Variants in NBPF3 observed in about 807,000 individuals in gnomAD.
The protein encoded by NBPF3 is NBPF family member NBPF3.
A neutral mutation model predicts 78.1 loss-of-function variants in NBPF3; 57 were observed. The ratio of observed to expected loss-of-function variants is 0.73; its 90% CI spans 0.59 to 0.91. The LOEUF is 0.91. Among genes scored for constraint, NBPF3 ranks in the 40% least tolerant of loss-of-function variants. The pLI, the probability that NBPF3 is intolerant of heterozygous loss-of-function variation, is 0.00. For synonymous variants in NBPF3, 182 were observed against 271.7 expected, an observed-to-expected ratio of 0.67 and a Z score of 3.25; for missense variants, 510 against 715.3, an observed-to-expected ratio of 0.71 and a Z score of 3.27.
At chr1:21,451,024 A>G (rs552994142) in intron 2 of NBPF3, among the ~76,000 whole-genome samples, 2 of 152,354 alleles carry the variant, frequency 1.3e-5, no homozygotes, top group South Asian at 2.1e-4. Flanking sequence ...CCGCCGTCCT[A>G]TGGGTCTTTG....
At chr1:21,436,789 A>C, upstream of NBPF3, 3 of 1,170,392 alleles carry the variant, frequency 2.6e-6, no homozygotes, top group Non-Finnish European at 3.3e-6. This position sits in a 1 kb window ranked among gnomAD's most constrained non-coding sequence, Gnocchi z 4.3. Flanking sequence ...CGCCTTGCAC[A>C]AGCACCAGCT....
intron 7 of NBPF3, among the ~76,000 whole-genome samples, 160 bp downstream of exon 7, chr1:21,473,745 G>T (rs1303767931): frequency 2.0e-5 from 3 of 152,202 alleles, no homozygotes; most frequent in African/African-American, 7.2e-5. Flanking sequence ...CTCATGTCAT[G>T]CCTTTGTCTC....
At chr1:21,443,069 TTGAC>T (rs1640754561) in intron 1 of NBPF3, among the ~76,000 whole-genome samples, 1 of 152,206 alleles carries the variant, frequency 6.6e-6, no homozygotes, top group Non-Finnish European at 1.5e-5. Context: ...CATAAATCGA[TTGAC>T]TGTATGGTCA....
intron 12 of NBPF3, among the ~76,000 whole-genome samples, chr1:21,481,192 AC>A (rs1233613270): frequency 2.0e-5 from 3 of 150,732 alleles, no homozygotes; most frequent in African/African-American, 7.3e-5. Flanking sequence ...CTGTAGGTCG[AC>A]CATACTTCAA....
chr1:21,473,046 C>A, intron 6 of NBPF3, 131 bp downstream of exon 6: 1 of 764,636 alleles, frequency 1.3e-6, no homozygotes, highest in South Asian at 1.6e-5. Flanking sequence ...GAAACTCAAG[C>A]CAGCTTGGAC....
intron 2 of NBPF3, among the ~76,000 whole-genome samples, chr1:21,465,369 C>T (rs1250819302): frequency 2.0e-5 from 3 of 152,274 alleles, no homozygotes; most frequent in Non-Finnish European, 4.4e-5. Flanking sequence ...CCCTCTGAAT[C>T]AGAATCCCTG....
At chr1:21,446,951 G>C (rs371063663) in intron 2 of NBPF3, among the ~76,000 whole-genome samples, 4 of 152,148 alleles carry the variant, frequency 2.6e-5, no homozygotes, top group African/African-American at 9.6e-5. Context: ...CAGGGGCACC[G>C]CAGGGTTAGA....
At chr1:21,445,355 G>T (rs1461400566) in intron 2 of NBPF3, 136 bp downstream of exon 2, 7 of 1,019,430 alleles carry the variant, frequency 6.9e-6, no homozygotes, top group Non-Finnish European at 1.0e-5. Flanking sequence ...TATTAAATAC[G>T]TATTTGTTAA....
intron 2 of NBPF3, chr1:21,453,523 C>T (rs554009077): frequency 3.3e-5 from 5 of 152,284 alleles, no homozygotes; most frequent in Admixed American, 6.5e-5. Flanking sequence ...TGGATTTGCC[C>T]TCCCCGCTGT....
intron 6 of NBPF3, 103 bp from the exon 7 acceptor site, chr1:21,473,277 G>T: frequency 7.3e-7 from 1 of 1,369,640 alleles, no homozygotes; most frequent in South Asian, 1.2e-5. Context: ...TGCTTTCTTG[G>T]ACCACTCTCT....
intron 2 of NBPF3, chr1:21,459,740 G>C: frequency 2.8e-6 from 1 of 357,442 alleles, no homozygotes; most frequent in South Asian, 2.8e-5. Context: ...CAGCTTCTTT[G>C]CTCATCAGCA....
intron 2 of NBPF3, among the ~76,000 whole-genome samples, chr1:21,458,394 T>C (rs1432398832): frequency 6.6e-6 from 1 of 151,758 alleles, no homozygotes; most frequent in African/African-American, 2.4e-5. Flanking sequence ...CTCTTAATAT[T>C]TAACTGAACC....
chr1:21,478,488 C>G (rs887916022), intron 9 of NBPF3, among the ~76,000 whole-genome samples, 181 bp downstream of exon 9: 1 of 152,208 alleles, frequency 6.6e-6, no homozygotes, highest in African/African-American at 2.4e-5. Context: ...TGGGGTGGGT[C>G]AGTGAGCTTT....
intron 2 of NBPF3, among the ~76,000 whole-genome samples, chr1:21,461,870 C>CA (rs1274718754): frequency 1.5e-4 from 23 of 152,174 alleles, no homozygotes; most frequent in Non-Finnish European, 2.8e-4. Flanking sequence ...ATGTGGTCCC[C>CA]AGTGTCGGAG....
intron 2 of NBPF3, chr1:21,453,328 A>G (rs550282636): frequency 6.6e-5 from 10 of 151,926 alleles, no homozygotes; most frequent in Middle Eastern, 3.4e-3. Flanking sequence ...CCACAGCCCC[A>G]GTTCTCAGTG....
At chr1:21,466,144 C>T (rs1473800655) in intron 2 of NBPF3, 1 of 985,212 alleles carries the variant, frequency 1.0e-6, no homozygotes, top group Non-Finnish European at 1.2e-6. Flanking sequence ...GGAGATGGTT[C>T]AGCAGGACGA....
At chr1:21,472,536 G>C (rs569708479) in intron 5 of NBPF3, among the ~76,000 whole-genome samples, 21 of 152,356 alleles carry the variant, frequency 1.4e-4, no homozygotes, top group African/African-American at 4.8e-4. Flanking sequence ...CTGGGAATCA[G>C]ACCTGTAGCC....
chr1:21,443,546 T>A (rs1319112687), intron 1 of NBPF3, among the ~76,000 whole-genome samples: 1 of 152,206 alleles, frequency 6.6e-6, no homozygotes, highest in Non-Finnish European at 1.5e-5. Context: ...GTTAAGCCAT[T>A]TAAAGGGCTC....
upstream of NBPF3, chr1:21,436,832 T>C (rs1348824926): frequency 1.6e-5 from 14 of 858,058 alleles, no homozygotes; most frequent in African/African-American, 1.9e-4. The surrounding 1 kb of genome is among the most constrained non-coding windows in gnomAD (Gnocchi z 4.3). Flanking sequence ...TTGAGCGTTC[T>C]GGGTGCAGCC....
Sources: allele counts gnomAD v4.1 joint callset (sites outside exome capture counted in the v4.1 genomes callset), GRCh38; gene constraint gnomAD v4.1.1; non-coding constraint Gnocchi (gnomAD v3.1); transcripts MANE v1.5; gene names NCBI Gene and HGNC (gene_info 2026-07-23, HGNC 2026-07-21).